PRUNE2: variants seen among roughly 807,000 people sequenced by gnomAD.
PRUNE2 encodes protein prune homolog 2.
A neutral mutation model predicts 252.0 loss-of-function variants in PRUNE2; 164 were observed. The observed-to-expected ratio is 0.65, with a 90% confidence interval of 0.57 to 0.74. The LOEUF is 0.74. PRUNE2 is among the 30% of genes least tolerant of loss of function. The pLI is 0.00. For missense variants in PRUNE2, 3,495 were observed against 3,711.0 expected, an observed-to-expected ratio of 0.94 and a Z score of 1.51; for synonymous variants, 1,292 against 1,350.2, an observed-to-expected ratio of 0.96 and a Z score of 0.94.
rs1198083553 is a variant in PRUNE2, at chr9:76,704,833, A to G, written c.7441T>C (p.Ser2481Pro). Residue 2481 changes from serine to proline, a missense_variant, in exon 8 of 19, where the codon TCA (serine) becomes CCA (proline). Physicochemically the swap from Ser to Pro is moderately conservative, Grantham distance 74. Coordinates refer to ENST00000376718, the MANE Select transcript of PRUNE2 (RefSeq NM_015225.3). Reference sequence around the variant, plus strand: ...GTTTCTACTTCCCAGTCAACGTTTGATGGAGACAAAATGTTGGAGCCTGCT... The same window carrying G: ...GTTTCTACTTCCCAGTCAACGTTTGGTGGAGACAAAATGTTGGAGCCTGCT... ...VGAGSNILSP[S>P]NVDWEVETDN... The G allele has an allele frequency of 6.9e-6, 11 of 1,593,578 alleles. No homozygotes were observed. Among genetic ancestry groups the G allele is most frequent in the Admixed American group, 1.7e-5 (1 of 57,184 alleles).
chr9:76,637,048 G>A (rs1452041771), intron 14 of PRUNE2, among the ~76,000 whole-genome samples: 1 of 150,698 alleles, frequency 6.6e-6, no homozygotes, highest in Non-Finnish European at 1.5e-5. Context: ...ACTATTACCT[G>A]GTAGGAAGAT....
chr9:76,864,293 C>G (rs1042383463), intron 1 of PRUNE2, among the ~76,000 whole-genome samples: 1 of 152,020 alleles, frequency 6.6e-6, no homozygotes, highest in Non-Finnish European at 1.5e-5. Flanking sequence ...TGGGGCCTAC[C>G]AGAGGGGGTA....
chr9:76,789,372 T>C (rs891727099), intron 6 of PRUNE2, among the ~76,000 whole-genome samples: 1 of 152,210 alleles, frequency 6.6e-6, no homozygotes, highest in African/African-American at 2.4e-5. Flanking sequence ...TTTATGGCAC[T>C]AGTAGATCAT....
Position 76,805,540 on chromosome 9 carries a change from C to T in PRUNE2, c.756+18092G>A, listed in dbSNP as rs538418641. Among the ~76,000 whole-genome samples, 11 of 152,152 alleles carry T rather than the reference C, an allele frequency of 7.2e-5. No individual in the cohort carries two copies. The East Asian group carries it at 1.9e-3, about 27-fold the overall frequency. ...AGCCTGGGAGGTCAAGGCTGCAGTGCGCCATGATAGTATCACTGCACTGGA... is the reference window on the plus strand; with the variant it reads ...AGCCTGGGAGGTCAAGGCTGCAGTGTGCCATGATAGTATCACTGCACTGGA... On this transcript the variant is annotated intron_variant, in intron 6 of 18. Transcript: ENST00000376718.
At chr9:76,816,684 G>C (rs188139476) in intron 6 of PRUNE2, among the ~76,000 whole-genome samples, 62 of 152,202 alleles carry the variant, frequency 4.1e-4, no homozygotes, top group African/African-American at 1.4e-3. Context: ...TGGTTATTTG[G>C]AGTTACTATA....
At chr9:76,757,810 CATCT>C (rs1183282824) in intron 6 of PRUNE2, among the ~76,000 whole-genome samples, 2 of 152,074 alleles carry the variant, frequency 1.3e-5, no homozygotes, top group Admixed American at 6.6e-5. Flanking sequence ...TGGTGGCATG[CATCT>C]ATAGTTCCAG....
At chr9:76,792,142 C>A (rs1169660356) in intron 6 of PRUNE2, among the ~76,000 whole-genome samples, 1 of 152,030 alleles carries the variant, frequency 6.6e-6, no homozygotes, top group Non-Finnish European at 1.5e-5. Context: ...CTATATTTCC[C>A]ATGTGTGGTG....
At chr9:76,850,432 T>C (rs1224526057) in intron 3 of PRUNE2, 31 bp downstream of exon 3, 2 of 1,571,910 alleles carry the variant, frequency 1.3e-6, no homozygotes, top group Non-Finnish European at 1.8e-6. Flanking sequence ...CATTGAGGGA[T>C]TAAACCTCAG....
chr9:76,779,504 C>T (rs1182547618), intron 6 of PRUNE2, among the ~76,000 whole-genome samples: 1 of 152,186 alleles, frequency 6.6e-6, no homozygotes, highest in African/African-American at 2.4e-5. Context: ...CACTTTAGCT[C>T]TCAAAATGGT....
intron 6 of PRUNE2, among the ~76,000 whole-genome samples, chr9:76,776,941 C>CAGACAG (rs1355467487): frequency 6.5e-4 from 94 of 145,008 alleles, no homozygotes; most frequent in Non-Finnish European, 8.6e-4. Flanking sequence ...CACACACACA[C>CAGACAG]ACACAAAGGG....
rs1409682229 is a variant in PRUNE2, at chr9:76,752,301, G to A, written c.757-38580C>T. Among the ~76,000 whole-genome samples, 3 of 151,816 alleles carry A rather than the reference G, an allele frequency of 2.0e-5. No homozygotes were observed. The East Asian group carries it at 5.8e-4, about 29-fold the overall frequency. On this transcript the variant is annotated intron_variant, in intron 6 of 18. Coordinates refer to ENST00000376718, the MANE Select transcript of PRUNE2 (RefSeq NM_015225.3). Reference sequence around the variant, plus strand: ...TTTAGTAGAGACGGGGTTTCACCGTGTTAGCCAGGATGGTCGCGATCTCCT... The same window carrying A: ...TTTAGTAGAGACGGGGTTTCACCGTATTAGCCAGGATGGTCGCGATCTCCT...
intron 6 of PRUNE2, among the ~76,000 whole-genome samples, chr9:76,794,080 CCTAGT>C (rs2055815648): frequency 6.6e-6 from 1 of 152,062 alleles, no homozygotes; most frequent in Non-Finnish European, 1.5e-5. Context: ...CTTTAATAAG[CCTAGT>C]TACTATTTAT....
intron 6 of PRUNE2, among the ~76,000 whole-genome samples, chr9:76,813,903 G>A (rs903708121): frequency 4.8e-4 from 73 of 152,212 alleles, no homozygotes; most frequent in African/African-American, 1.6e-3. Flanking sequence ...AGCAACCTCC[G>A]TCTCCTGGGT....
At chr9:76,856,168 T>A (rs1426211414) in intron 1 of PRUNE2, among the ~76,000 whole-genome samples, 1 of 152,210 alleles carries the variant, frequency 6.6e-6, no homozygotes, top group Non-Finnish European at 1.5e-5. Context: ...GAGTCTGTGA[T>A]GGACCAGGGT....
At chr9:76,650,866 G>C (rs1325612468) in intron 11 of PRUNE2, among the ~76,000 whole-genome samples, 1 of 152,160 alleles carries the variant, frequency 6.6e-6, no homozygotes, top group African/African-American at 2.4e-5. Context: ...GATGTGGTGT[G>C]ACAAAGCTCT....
At chr9:76,702,839 G>C (rs549543830) in intron 9 of PRUNE2, among the ~76,000 whole-genome samples, 1 of 152,284 alleles carries the variant, frequency 6.6e-6, no homozygotes, top group African/African-American at 2.4e-5. Context: ...GGCTTTGGAG[G>C]TGGCAAGCTT....
chr9:76,905,603 G>A lies in PRUNE2; in HGVS notation c.36+325C>T, dbSNP rs574490565. Among the ~76,000 whole-genome samples, 7 of 152,184 alleles carry A rather than the reference G, an allele frequency of 4.6e-5. No individual in the cohort carries two copies. In the South Asian group the frequency reaches 1.5e-3, roughly 32 times the overall value. Reference sequence around the variant, plus strand: ...CAGAAGGCTGGGCTCTTTATCTCAAGGAAGACCACACCCATTTATCCCTTA... The same window carrying A: ...CAGAAGGCTGGGCTCTTTATCTCAAAGAAGACCACACCCATTTATCCCTTA... On this transcript the variant is annotated intron_variant, in intron 1 of 18. Transcript: ENST00000376718.
chr9:76,653,028 T>C (rs1438865455), intron 10 of PRUNE2, among the ~76,000 whole-genome samples: 1 of 152,156 alleles, frequency 6.6e-6, no homozygotes, highest in African/African-American at 2.4e-5. Flanking sequence ...GCAGACCTGA[T>C]AGAAATCTTT....
At chr9:76,669,326 CTT>C (rs5898495) in intron 9 of PRUNE2, among the ~76,000 whole-genome samples, 1 of 150,102 alleles carries the variant, frequency 6.7e-6, no homozygotes, top group Non-Finnish European at 1.5e-5. Flanking sequence ...TTTCCTTTTT[CTT>C]TTTTTTTTGA....
Sources: gnomAD v4.1 joint callset for allele counts (sites outside exome capture counted in the v4.1 genomes callset) on GRCh38, gnomAD v4.1.1 for gene constraint, MANE v1.5 for transcripts, NCBI Gene and HGNC (gene_info 2026-07-23, HGNC 2026-07-21) for gene names.